Variants in NDE1 observed in about 807,000 individuals in gnomAD.
The protein encoded by NDE1 is nuclear distribution protein nudE homolog 1.
A neutral mutation model predicts 43.4 loss-of-function variants in NDE1; 28 were observed. That is an observed-to-expected ratio of 0.65 (90% CI 0.48 to 0.89). NDE1 has a LOEUF of 0.89. Among genes scored for constraint, NDE1 ranks in the 40% least tolerant of loss-of-function variants. The probability of loss-of-function intolerance (pLI) is 0.00; values close to 1 mark genes in which losing one functional copy is unlikely to be tolerated. For missense variants in NDE1, 441 were observed against 434.1 expected, an observed-to-expected ratio of 1.02 and a Z score of -0.14; for synonymous variants, 184 against 172.0, an observed-to-expected ratio of 1.07 and a Z score of -0.55.
intron 5 of NDE1, among the ~76,000 whole-genome samples, chr16:15,690,353 C>CTTTTTTTTTTTTTTTTTTTTTTTTTT (rs869069843): frequency 6.2e-5 from 5 of 80,950 alleles, no homozygotes; most frequent in Non-Finnish European, 6.5e-5. Flanking sequence ...TTTTTTTTTT[C>CTTTTTTTTTTTTTTTTTTTTTTTTTT]TTTTTTTTTT....
intron 1 of NDE1, among the ~76,000 whole-genome samples, chr16:15,650,648 G>A (rs1322500636): frequency 6.6e-6 from 1 of 152,180 alleles, no homozygotes; most frequent in African/African-American, 2.4e-5. Context: ...CTTCCTGGGT[G>A]GTTAAGCCTT....
chr16:15,697,702 GACTCCATATCAAA>G (rs1037319094), intron 8 of NDE1, among the ~76,000 whole-genome samples: 2 of 151,988 alleles, frequency 1.3e-5, no homozygotes, highest in Non-Finnish European at 2.9e-5. Context: ...GACAGAGCAA[GACTCCATATCAAA>G]AAGTTAATTA....
rs765373729 is a variant in NDE1 at position 15,724,324 on chromosome 16, A to G, written c.*73A>G. The G allele has an allele frequency of 9.3e-6, 15 of 1,614,040 alleles. No individual in the cohort carries two copies. The highest frequency in any genetic ancestry group is 1.3e-5 in the Non-Finnish European group (15 of 1,180,010). ...CTCGTACTGCTGGGTGAGGTTCTCG[A>G]TCTCCTTCTGGAACCTCTTCTTCCC... On this transcript the variant is annotated 3_prime_UTR_variant, in exon 9 of 9. Coordinates refer to ENST00000396354, the MANE Select transcript of NDE1 (RefSeq NM_017668.3).
intron 8 of NDE1, chr16:15,699,756 G>C: frequency 1.5e-6 from 2 of 1,351,478 alleles, no homozygotes; most frequent in Non-Finnish European, 9.8e-7. Context: ...AATTTGGGAA[G>C]CCGCCTTCAC....
At chr16:15,703,861 G>T (rs1176209843) in intron 8 of NDE1, 1 of 1,280,138 alleles carries the variant, frequency 7.8e-7, no homozygotes, top group South Asian at 1.2e-5. Context: ...TGGAATTTGA[G>T]AATGGATTTA....
At chr16:15,706,685 A>G (rs2039474580) in intron 8 of NDE1, among the ~76,000 whole-genome samples, 1 of 151,928 alleles carries the variant, frequency 6.6e-6, no homozygotes, top group Non-Finnish European at 1.5e-5. Context: ...CCAGCCTGGG[A>G]AACAGCAAGA....
chr16:15,723,694 T>C (rs1283052674), intron 8 of NDE1, among the ~76,000 whole-genome samples: 1 of 152,100 alleles, frequency 6.6e-6, no homozygotes, highest in Non-Finnish European at 1.5e-5. Flanking sequence ...AATGACTGAA[T>C]CCAGGTGGTG....
chr16:15,705,984 CAAAAAAAAAAAAAAAAA>C (rs57451847), intron 8 of NDE1, among the ~76,000 whole-genome samples: 9 of 56,764 alleles, frequency 1.6e-4, no homozygotes, highest in African/African-American at 1.0e-3. Flanking sequence ...GACTCCGTCT[CAAAAAAAAAAAAAAAAA>C]AAAATCAAGG....
At position 15,724,264 on chromosome 16, in the gene NDE1, G is replaced by T. The variant is rs146817436; in HGVS notation, c.*13G>T. The T allele has an allele frequency of 6.2e-7, 1 of 1,614,046 alleles. No homozygotes were observed. Among genetic ancestry groups the T allele is most frequent in the African/African-American group, 1.3e-5 (1 of 74,914 alleles). On this transcript the variant is annotated 3_prime_UTR_variant, in exon 9 of 9. Transcript: ENST00000396354. Reference sequence around the variant, plus strand: ...CAGCTCCTGCTGAAGCCTGTTCTTGGTCTTTTCCAGTTTATCATAAGCGGC... The same window carrying T: ...CAGCTCCTGCTGAAGCCTGTTCTTGTTCTTTTCCAGTTTATCATAAGCGGC...
Position 15,696,587 on chromosome 16 carries a change from T to A in NDE1, c.796-122T>A. ...TTGGATTCCTCTTGGGGTCCCACCT[T>A]GGAATTCCAGTGCACAACAGTTTGA... On this transcript the variant is annotated intron_variant, in intron 7 of 8. Transcript: ENST00000396354. 7.0e-6 allele frequency: 11 copies of A among 1,566,798 alleles called. No individual in the cohort carries two copies. The South Asian group carries it at 1.3e-4, about 18-fold the overall frequency.
At chr16:15,690,361 T>TTTC (rs1567652232) in intron 5 of NDE1, among the ~76,000 whole-genome samples, 6 of 102,032 alleles carry the variant, frequency 5.9e-5, no homozygotes, top group African/African-American at 2.5e-4. Context: ...TTCTTTTTTT[T>TTTC]TTTTTTTTTT....
chr16:15,714,592 A>T, intron 8 of NDE1: 1 of 499,098 alleles, frequency 2.0e-6, no homozygotes, highest in East Asian at 3.6e-5. Flanking sequence ...GTGAAGACTC[A>T]GTGATGCAAT....
intron 4 of NDE1, among the ~76,000 whole-genome samples, chr16:15,678,959 C>T (rs907229016): frequency 5.3e-5 from 8 of 151,838 alleles, no homozygotes; most frequent in African/African-American, 1.9e-4. Context: ...GCCTGTAGTC[C>T]CAGCTAGTCG....
Position 15,677,964 on chromosome 16 carries a change from G to A in NDE1, c.386+15G>A, listed in dbSNP as rs1267803211. 1.2e-6 allele frequency: 2 copies of A among 1,613,800 alleles called. No individual in the cohort carries two copies. The highest frequency in any genetic ancestry group is 2.7e-5 in the African/African-American group (2 of 74,892). ...AGAGCCAAGCGGTATGGGTGGAAGG[G>A]AAAAGCACGAGTGGGAGACTCTCCT... On this transcript the variant is annotated intron_variant, in intron 4 of 8. Coordinates refer to ENST00000396354, the MANE Select transcript of NDE1 (RefSeq NM_017668.3).
At chr16:15,700,981 A>C (rs2039200509) in intron 8 of NDE1, among the ~76,000 whole-genome samples, 1 of 152,022 alleles carries the variant, frequency 6.6e-6, no homozygotes. Context: ...CAGGCCGGTA[A>C]TCCTAAGACT....
chr16:15,687,046 G>A, intron 4 of NDE1: 1 of 1,201,300 alleles, frequency 8.3e-7, no homozygotes, highest in Non-Finnish European at 1.1e-6. Flanking sequence ...TGCAAGAGAA[G>A]ATGGAGCATA....
At chr16:15,686,431 A>G in intron 4 of NDE1, 1 of 985,426 alleles carries the variant, frequency 1.0e-6, no homozygotes. Flanking sequence ...GCCCTTCACA[A>G]GAAGGGGTTG....
chr16:15,708,234 C>T (rs958923049), intron 8 of NDE1, among the ~76,000 whole-genome samples: 3 of 152,168 alleles, frequency 2.0e-5, no homozygotes, highest in African/African-American at 7.2e-5. Context: ...TCGCAGTGAG[C>T]TCATTTCCTT....
At chr16:15,686,112 C>T (rs926662658) in intron 4 of NDE1, among the ~76,000 whole-genome samples, 13 of 152,090 alleles carry the variant, frequency 8.5e-5, no homozygotes, top group South Asian at 4.2e-4. Flanking sequence ...CCATCATGCC[C>T]GGCTAATTTT....
Sources: allele counts gnomAD v4.1 joint callset (sites outside exome capture counted in the v4.1 genomes callset), GRCh38; gene constraint gnomAD v4.1.1; transcripts MANE v1.5; gene names NCBI Gene and HGNC (gene_info 2026-07-23, HGNC 2026-07-21).